Variants in PLGRKT observed in about 807,000 individuals in gnomAD.
PLGRKT encodes the protein plasminogen receptor with a C-terminal lysine, also known as plasminogen receptor (KT).
In PLGRKT, 22 loss-of-function variants were observed where a neutral mutation model predicts 18.5. The observed-to-expected ratio is 1.19, with a 90% CI of 0.85 to 1.70. The LOEUF is 1.70. PLGRKT is among the 40% of genes most tolerant of loss of function. The pLI, the probability that PLGRKT is intolerant of heterozygous loss-of-function variation, is 0.00. For synonymous variants in PLGRKT, 72 were observed against 52.8 expected, an observed-to-expected ratio of 1.36 and a Z score of -1.58; for missense variants, 235 against 174.4, an observed-to-expected ratio of 1.35 and a Z score of -1.96.
chr9:5,379,427 T>C (rs1266849565), intron 3 of PLGRKT, among the ~76,000 whole-genome samples: 1 of 152,228 alleles, frequency 6.6e-6, no homozygotes, highest in Non-Finnish European at 1.5e-5. Context: ...TTAAGATTAA[T>C]TAAAATTAAC....
intron 3 of PLGRKT, among the ~76,000 whole-genome samples, chr9:5,386,345 G>T (rs1475145169): frequency 6.6e-6 from 1 of 151,876 alleles, no homozygotes; most frequent in South Asian, 2.1e-4. Flanking sequence ...TCAAAGTAGT[G>T]GTTCTCAACC....
At chr9:5,403,359 G>A (rs1434203458) in intron 3 of PLGRKT, among the ~76,000 whole-genome samples, 1 of 151,822 alleles carries the variant, frequency 6.6e-6, no homozygotes, top group African/African-American at 2.4e-5. Flanking sequence ...GAGTAGCTGG[G>A]ATTACAGGCG....
intron 3 of PLGRKT, among the ~76,000 whole-genome samples, chr9:5,409,838 G>C (rs1053753441): frequency 7.9e-5 from 12 of 152,214 alleles, no homozygotes; most frequent in Non-Finnish European, 1.8e-4. Context: ...TTTGGAATGA[G>C]AGTGTTTACC....
chr9:5,392,944 T>A (rs1337722931), intron 3 of PLGRKT, among the ~76,000 whole-genome samples: 1 of 151,640 alleles, frequency 6.6e-6, no homozygotes, highest in East Asian at 1.9e-4. Context: ...CAGGTTCAAG[T>A]GATTCTCCTG....
intron 3 of PLGRKT, among the ~76,000 whole-genome samples, chr9:5,391,760 C>G (rs1423263308): frequency 6.6e-6 from 1 of 151,918 alleles, no homozygotes; most frequent in East Asian, 1.9e-4. Context: ...TCTAATTTAG[C>G]TGTCCTTAAA....
chr9:5,437,197 G>A (rs1193319414), intron 1 of PLGRKT, among the ~76,000 whole-genome samples: 5 of 152,156 alleles, frequency 3.3e-5, no homozygotes, highest in African/African-American at 1.2e-4. Context: ...GCAAGTTCCA[G>A]ACAACCTTTC....
At chr9:5,372,802 C>G (rs1410501635) in intron 3 of PLGRKT, among the ~76,000 whole-genome samples, 1 of 152,182 alleles carries the variant, frequency 6.6e-6, no homozygotes, top group Non-Finnish European at 1.5e-5. Flanking sequence ...GGCTTTCTAG[C>G]CTCTGTTGTA....
chr9:5,382,766 T>C (rs758236925), intron 3 of PLGRKT, among the ~76,000 whole-genome samples: 3 of 152,178 alleles, frequency 2.0e-5, no homozygotes, highest in African/African-American at 2.4e-5. Context: ...ACTAGGGAAG[T>C]GTCCACTTCA....
At chr9:5,373,435 C>T (rs1026217966) in intron 3 of PLGRKT, among the ~76,000 whole-genome samples, 21 of 152,222 alleles carry the variant, frequency 1.4e-4, no homozygotes, top group African/African-American at 5.1e-4. Context: ...CTTCTCTACT[C>T]TGCTGCACAA....
chr9:5,412,898 A>C (rs978576360), intron 3 of PLGRKT, among the ~76,000 whole-genome samples: 1 of 152,218 alleles, frequency 6.6e-6, no homozygotes, highest in East Asian at 1.9e-4. Context: ...TATTCAAAGA[A>C]CACTTGAGGG....
At chr9:5,393,335 C>G (rs561969497) in intron 3 of PLGRKT, among the ~76,000 whole-genome samples, 2 of 151,704 alleles carry the variant, frequency 1.3e-5, no homozygotes, top group Non-Finnish European at 2.9e-5. Context: ...TATTTAAAAG[C>G]CTTCTACTTC....
intron 3 of PLGRKT, among the ~76,000 whole-genome samples, chr9:5,425,461 A>G (rs1281609576): frequency 6.6e-6 from 1 of 152,206 alleles, no homozygotes; most frequent in Non-Finnish European, 1.5e-5. Flanking sequence ...ACCAGACTCC[A>G]GTGATTGATT....
intron 3 of PLGRKT, among the ~76,000 whole-genome samples, chr9:5,395,245 G>A (rs963924965): frequency 6.6e-6 from 1 of 151,868 alleles, no homozygotes; most frequent in African/African-American, 2.4e-5. Flanking sequence ...AATACATTAA[G>A]CTGACAAACT....
At chr9:5,373,670 C>G (rs1192015729) in intron 3 of PLGRKT, among the ~76,000 whole-genome samples, 2 of 152,072 alleles carry the variant, frequency 1.3e-5, no homozygotes, top group Non-Finnish European at 2.9e-5. Context: ...TGGTGGCACA[C>G]ACCTGTAGTC....
At chr9:5,383,443 T>C (rs1427844401) in intron 3 of PLGRKT, among the ~76,000 whole-genome samples, 1 of 152,170 alleles carries the variant, frequency 6.6e-6, no homozygotes, top group Admixed American at 6.5e-5. Flanking sequence ...AAACAATTTT[T>C]CCATGGACCA....
In PLGRKT at chr9:5,402,288, G is replaced by A. The variant is rs531851983; in HGVS notation, c.81+29609C>T. Among the ~76,000 whole-genome samples the A allele has an allele frequency of 9.9e-5, 15 of 151,942 alleles. No individual in the cohort carries two copies. In the East Asian group the frequency reaches 2.7e-3, roughly 27 times the overall value. On this transcript the variant is annotated intron_variant, in intron 3 of 5. Coordinates refer to ENST00000223864, the MANE Select transcript of PLGRKT (RefSeq NM_018465.4). Reference sequence around the variant, plus strand: ...AATGAAAGAACTCTGCACTCTCTGTGGACAGGGTTTAAGGTAACCTCAAGG... The same window carrying A: ...AATGAAAGAACTCTGCACTCTCTGTAGACAGGGTTTAAGGTAACCTCAAGG...
chr9:5,364,755 C>G (rs553124159), intron 3 of PLGRKT, among the ~76,000 whole-genome samples: 82 of 152,314 alleles, frequency 5.4e-4, no homozygotes, highest in African/African-American at 1.8e-3. Context: ...AACTGCTTTA[C>G]ATGTCTACTG....
At chr9:5,373,379 C>A (rs1032046802) in intron 3 of PLGRKT, among the ~76,000 whole-genome samples, 1 of 152,186 alleles carries the variant, frequency 6.6e-6, no homozygotes, top group African/African-American at 2.4e-5. Flanking sequence ...CAAATAATGA[C>A]CACATTCTGT....
Position 5,395,801 on chromosome 9 carries a change from G to A in PLGRKT, c.82-33913C>T, listed in dbSNP as rs371757352. Among the ~76,000 whole-genome samples the A allele has an allele frequency of 1.9e-3, 255 of 137,668 alleles. 6 individuals carry two copies. The highest frequency in any genetic ancestry group is 0.011 in the Middle Eastern group (3 of 280). 90.3% of individuals were successfully genotyped at this position (137,668 alleles called of 152,430 possible). On this transcript the variant is annotated intron_variant, in intron 3 of 5. Transcript: ENST00000223864. ...TTCATTTTTCCAAGGCATTTTCATG[G>A]AAACATTGACAAAAAAAAAGGTGGA...
Sources: allele counts gnomAD v4.1 joint callset (sites outside exome capture counted in the v4.1 genomes callset), GRCh38; gene constraint gnomAD v4.1.1; transcripts MANE v1.5; gene names NCBI Gene and HGNC (gene_info 2026-07-23, HGNC 2026-07-21).